Variants in SLC7A5 observed in about 807,000 individuals in gnomAD.
SLC7A5 encodes solute carrier family 7 member 5.
In SLC7A5, 23 loss-of-function variants were observed where a neutral mutation model predicts 50.2. The ratio of observed to expected loss-of-function variants is 0.46; its 90% CI spans 0.33 to 0.65. SLC7A5 has a LOEUF of 0.65. Ranked by LOEUF, SLC7A5 falls within the 30% of genes least tolerant of loss-of-function variation. The pLI is 0.02. For synonymous variants in SLC7A5, 393 were observed against 330.6 expected, an observed-to-expected ratio of 1.19 and a Z score of -2.05; for missense variants, 578 against 684.4, an observed-to-expected ratio of 0.84 and a Z score of 1.73.
At position 87,841,478 on chromosome 16, in the gene SLC7A5, C is replaced by T. The variant is rs1208636114; in HGVS notation, c.665-323G>A. 6.6e-6 allele frequency among the ~76,000 whole-genome samples: 1 copy of T among 152,196 alleles called. No homozygotes were observed. Among genetic ancestry groups the T allele is most frequent in the Non-Finnish European group, 1.5e-5 (1 of 68,028 alleles). ...GGGGTCAACCAGCCCCAGTTGCCTT[C>T]AAGAAGGTTCCCTGAGACCTCACGA... On this transcript the variant is annotated intron_variant, in intron 2 of 9. Coordinates refer to ENST00000261622, the MANE Select transcript of SLC7A5 (RefSeq NM_003486.7). This position sits in a 1 kb window ranked among gnomAD's most constrained non-coding sequence, Gnocchi z 4.8.
At chr16:87,857,813 T>A (rs1400079978) in intron 1 of SLC7A5, among the ~76,000 whole-genome samples, 1 of 152,242 alleles carries the variant, frequency 6.6e-6, no homozygotes, top group African/African-American at 2.4e-5. Flanking sequence ...CATGTCTTTG[T>A]ACTTTTTTCC....
chr16:87,866,426 G>C (rs555394362), intron 1 of SLC7A5, among the ~76,000 whole-genome samples: 2 of 152,084 alleles, frequency 1.3e-5, no homozygotes. Context: ...CTCAGCCTCC[G>C]AGTAGCTGGG....
intron 1 of SLC7A5, among the ~76,000 whole-genome samples, chr16:87,856,605 C>G (rs1041496371): frequency 3.3e-5 from 5 of 152,220 alleles, no homozygotes; most frequent in African/African-American, 9.7e-5. Flanking sequence ...CTTGGGCCCC[C>G]CTCTGCAGCT....
rs1015051315 is a variant in SLC7A5 at position 87,836,331 on chromosome 16, G to A, written c.1290+167C>T. Among the ~76,000 whole-genome samples the A allele has an allele frequency of 2.0e-5, 3 of 152,244 alleles. No homozygotes were observed. In the South Asian group the frequency reaches 6.2e-4, roughly 31 times the overall value. On this transcript the variant is annotated intron_variant, in intron 8 of 9. Coordinates refer to ENST00000261622, the MANE Select transcript of SLC7A5 (RefSeq NM_003486.7). ...TCCTGCAGTCACACTTGGCACCCTC[G>A]TAGCTGGTGGTCAAGTCATCACCGG...
At chr16:87,866,266 G>A (rs113728846) in intron 1 of SLC7A5, among the ~76,000 whole-genome samples, 9,985 of 152,182 alleles carry the variant, frequency 0.066, 417 homozygotes, top group Non-Finnish European at 0.09. Flanking sequence ...TAAATAAATA[G>A]GCCAGCGATA....
chr16:87,845,411 TGCCCACCCCACAGAGTCCAC>T (rs1567492901), intron 2 of SLC7A5, among the ~76,000 whole-genome samples: 1 of 136,428 alleles, frequency 7.3e-6, no homozygotes, highest in East Asian at 2.1e-4. Context: ...CCAGAGTCCA[TGCCCACCCCACAGAGTCCAC>T]GCCCACCCCA....
chr16:87,868,316 C>A (rs1307757055), intron 1 of SLC7A5, among the ~76,000 whole-genome samples: 1 of 152,154 alleles, frequency 6.6e-6, no homozygotes, highest in African/African-American at 2.4e-5. Context: ...TCTCTCACTA[C>A]TGGGAACCCT....
chr16:87,834,321 G>C, intron 9 of SLC7A5, 93 bp downstream of exon 9: 7 of 1,265,878 alleles, frequency 5.5e-6, no homozygotes, highest in Non-Finnish European at 7.9e-6. Flanking sequence ...AACACGCTTC[G>C]CCCCATGTGG....
At chr16:87,842,586 G>A (rs1167247651) in intron 2 of SLC7A5, among the ~76,000 whole-genome samples, 6 of 152,226 alleles carry the variant, frequency 3.9e-5, no homozygotes, top group Non-Finnish European at 2.9e-5. Context: ...GTGGCGTGCT[G>A]GATGCCTGCG....
intron 1 of SLC7A5, among the ~76,000 whole-genome samples, chr16:87,867,893 A>G (rs1280667592): frequency 6.6e-6 from 1 of 152,134 alleles, no homozygotes; most frequent in African/African-American, 2.4e-5. Context: ...AGGCGGGCGG[A>G]TCACAAGGTC....
chr16:87,868,452 A>T (rs2055490690), intron 1 of SLC7A5, among the ~76,000 whole-genome samples: 1 of 152,184 alleles, frequency 6.6e-6, no homozygotes, highest in Admixed American at 6.5e-5. Context: ...AGCAGAAATG[A>T]ATGATTTTTT....
At chr16:87,851,522 C>A (rs190905239) in intron 2 of SLC7A5, among the ~76,000 whole-genome samples, 45 of 152,370 alleles carry the variant, frequency 3.0e-4, no homozygotes, top group African/African-American at 1.0e-3. Context: ...GGTGGCCACG[C>A]TGTCCCACGG....
At chr16:87,845,096 A>C (rs1211844160) in intron 2 of SLC7A5, among the ~76,000 whole-genome samples, 1 of 152,192 alleles carries the variant, frequency 6.6e-6, no homozygotes, top group African/African-American at 2.4e-5. Flanking sequence ...TCTGGCTGCC[A>C]GGACCAGGAC....
rs1567497766 is a variant in SLC7A5, at chr16:87,853,877, G to GAGACACTGAGCACTGCC, written c.539-2029_539-2028insGGCAGTGCTCAGTGTCT. 1 of 152,072 alleles carries GAGACACTGAGCACTGCC rather than the reference G, an allele frequency of 6.6e-6. No individual in the cohort carries two copies. The highest frequency in any genetic ancestry group is 1.9e-4 in the East Asian group (1 of 5,156). 9.4% of individuals were successfully genotyped at this position (152,072 alleles called of 1,614,324 possible). On this transcript the variant is annotated intron_variant, in intron 1 of 9. Transcript: ENST00000261622. The surrounding 1 kb of genome is among the most constrained non-coding windows in gnomAD (Gnocchi z 4.4). Reference sequence around the variant, plus strand: ...ACTCCAGACACCAGACAGGCGCTGCGGAGACACTGAGCACTGCCCTCGCGG... The same window carrying GAGACACTGAGCACTGCC: ...ACTCCAGACACCAGACAGGCGCTGCGAGACACTGAGCACTGCCGAGACACTGAGCACTGCCCTCGCGG...
intron 2 of SLC7A5, among the ~76,000 whole-genome samples, chr16:87,847,759 G>A (rs7206409): frequency 1.3e-5 from 2 of 152,174 alleles, no homozygotes; most frequent in African/African-American, 4.8e-5. Flanking sequence ...GCTCACGGCT[G>A]TGGGACCTGG....
rs765936715 is a variant in SLC7A5, at chr16:87,853,378, AGTC to A, written c.539-1532_539-1530del. ...GGAGACGGCTACTACACACCAGGAAAGTCTGGTTGAAAAATGTCTGAAAGTCAG... is the reference window on the plus strand; with the variant it reads ...GGAGACGGCTACTACACACCAGGAAATGGTTGAAAAATGTCTGAAAGTCAG... On this transcript the variant is annotated intron_variant, in intron 1 of 9. Coordinates refer to ENST00000261622, the MANE Select transcript of SLC7A5 (RefSeq NM_003486.7). This position sits in a 1 kb window ranked among gnomAD's most constrained non-coding sequence, Gnocchi z 4.4. 2.6e-5 allele frequency among the ~76,000 whole-genome samples: 4 copies of A among 152,242 alleles called. No individual in the cohort carries two copies. Among genetic ancestry groups the A allele is most frequent in the Non-Finnish European group, 5.9e-5 (4 of 68,038 alleles).
At chr16:87,839,583 C>T (rs2055057242) in intron 5 of SLC7A5, 119 bp downstream of exon 5, 27 of 1,465,164 alleles carry the variant, frequency 1.8e-5, no homozygotes, top group Admixed American at 5.1e-5. Context: ...GGCTTAGAGA[C>T]GCGGGGCCCC....
chr16:87,868,935 G>A lies in SLC7A5; in HGVS notation c.488C>T (p.Thr163Ile), dbSNP rs201604699. ...GGCTGCCTCCTCGGGCACCGGGCAG[G>A]TGGGGAAGAGCGGCTTGAGCAGGTA... ...ATYLLKPLFP[T>I]CPVPEEAAKL... Residue 163 changes from threonine (T) to isoleucine (I), a missense_variant, in exon 1 of 10, where the codon ACC becomes ATC. This residue lies in a region of SLC7A5 where 465 missense variants were observed against 594.6 expected (regional missense o/e 0.78). Transcript: ENST00000261622. The A allele has an allele frequency of 7.5e-6, 12 of 1,610,442 alleles. No individual in the cohort carries two copies. Among genetic ancestry groups the A allele is most frequent in the South Asian group, 1.1e-5 (1 of 90,878 alleles).
rs957818063 is a variant in SLC7A5, at chr16:87,867,908, G to A, written c.538+977C>T. 3.3e-5 allele frequency among the ~76,000 whole-genome samples: 5 copies of A among 152,262 alleles called. No individual in the cohort carries two copies. In the South Asian group the frequency reaches 8.3e-4, roughly 25 times the overall value. ...AGGCGGGCGGATCACAAGGTCAGGA[G>A]ATCGAGACCATCCTGGCTAACACGG... On this transcript the variant is annotated intron_variant, in intron 1 of 9. Coordinates refer to ENST00000261622, the MANE Select transcript of SLC7A5 (RefSeq NM_003486.7).
Sources: allele counts gnomAD v4.1 joint callset (sites outside exome capture counted in the v4.1 genomes callset), GRCh38; gene constraint gnomAD v4.1.1; regional missense constraint gnomAD v4.1.1; non-coding constraint Gnocchi (gnomAD v3.1); transcripts MANE v1.5; gene names NCBI Gene and HGNC (gene_info 2026-07-23, HGNC 2026-07-21).